CCDC40: variants seen among roughly 807,000 people sequenced by gnomAD.
The protein encoded by CCDC40 is coiled-coil domain-containing protein 40.
CCDC40 carries 104 observed loss-of-function variants against 124.5 expected under a neutral mutation model. The observed-to-expected ratio is 0.84, with a 90% confidence interval of 0.71 to 0.98. The LOEUF is 0.98. Among genes scored for constraint, CCDC40 ranks in the 50% least tolerant of loss-of-function variants. CCDC40 has a pLI of 0.00. For synonymous variants in CCDC40, 580 were observed against 602.9 expected, an observed-to-expected ratio of 0.96 and a Z score of 0.56; for missense variants, 1,463 against 1,503.9, an observed-to-expected ratio of 0.97 and a Z score of 0.45.
chr17:80,037,255 G>A (rs1442838444), intron 1 of CCDC40, among the ~76,000 whole-genome samples: 1 of 152,222 alleles, frequency 6.6e-6, no homozygotes, highest in East Asian at 1.9e-4. Context: ...TGGGGCCTGG[G>A]TGGAAGCACT....
rs745305836 is a variant in CCDC40 at position 80,084,955 on chromosome 17, C to T, written c.2202C>T (p.Asn734=). Residue 734 remains asparagine, a synonymous_variant, in exon 13 of 20, where the codon AAC becomes AAT. Transcript: ENST00000397545. The part of the protein sequence containing the change: ...ERKQGLINFL[N]KQLERMVSEL... ...AGCAAGGGCTCATCAACTTCCTCAA[C>T]AAGCAGCTGGAGCGGATGGTCTCCG... The T allele has an allele frequency of 6.2e-7, 1 of 1,613,988 alleles. No individual in the cohort carries two copies. The highest frequency in any genetic ancestry group is 1.3e-5 in the African/African-American group (1 of 75,068).
intron 10 of CCDC40, chr17:80,067,898 G>C: frequency 2.2e-6 from 3 of 1,350,012 alleles, no homozygotes; most frequent in Non-Finnish European, 2.9e-6. Flanking sequence ...ACGTGCATGC[G>C]CAGAATGTTG....
intron 17 of CCDC40, chr17:80,090,392 G>A (rs767219473): frequency 5.0e-6 from 4 of 802,420 alleles, no homozygotes; most frequent in Non-Finnish European, 6.9e-6. Context: ...CACACAGCAC[G>A]TGCATGAACA....
Position 80,065,588 on chromosome 17 carries a change from C to A in CCDC40, c.1544C>A (p.Ala515Glu). 6.2e-7 allele frequency: 1 copy of A among 1,612,694 alleles called. No individual in the cohort carries two copies. The highest frequency in any genetic ancestry group is 1.1e-5 in the South Asian group (1 of 91,046). The stretch of plus-strand genomic sequence containing the variant: ...AAGCACCGCGACGAGGCGCACAGGG[C>A]GGTGCTGGAGGCGCTCAGGTACTGC... ...GMKHRDEAHRAVLEALRGCQH... is the reference protein window; with the variant it reads ...GMKHRDEAHREVLEALRGCQH... Residue 515 changes from alanine (A) to glutamate (E), a missense_variant, in exon 10 of 20, where the codon GCG (alanine) becomes GAG (glutamate). Coordinates refer to ENST00000397545, the MANE Select transcript of CCDC40 (RefSeq NM_017950.4).
In CCDC40 at chr17:80,086,601, G is replaced by C. The variant is rs1247483197; in HGVS notation, c.2449+385G>C. The C allele has an allele frequency of 3.5e-6, 1 of 281,896 alleles. No homozygotes were observed. Among genetic ancestry groups the C allele is most frequent in the African/African-American group, 2.2e-5 (1 of 44,770 alleles). The allele number at this position is 281,896 out of a possible 1,614,324, so 17.5% of individuals were successfully genotyped here. On this transcript the variant is annotated intron_variant, in intron 14 of 19. Transcript: ENST00000397545. This position sits in a 1 kb window ranked among gnomAD's most constrained non-coding sequence, Gnocchi z 5.5. ...GCTGTCCCCACATCACCTCCAGTTG[G>C]GCTTAGAAAACCATTCCACCGGGGC...
In CCDC40 at chr17:80,086,277, C is replaced by T; in HGVS notation, c.2449+61C>T. The T allele has an allele frequency of 1.4e-6, 2 of 1,420,496 alleles. No individual in the cohort carries two copies. Among genetic ancestry groups the T allele is most frequent in the Non-Finnish European group, 9.7e-7 (1 of 1,029,280 alleles). The allele number at this position is 1,420,496 out of a possible 1,614,324, so 88.0% of individuals were successfully genotyped here. A position where few individuals can be genotyped will look rare whatever the true frequency, so the allele number is the denominator to read the frequency against. ...GAGACGAGCTCTGGGACGTGGGCACCTCCCAGGGGAGGGGCACTCAGTGGG... is the reference window on the plus strand; with the variant it reads ...GAGACGAGCTCTGGGACGTGGGCACTTCCCAGGGGAGGGGCACTCAGTGGG... On this transcript the variant is annotated intron_variant, in intron 14 of 19. Transcript: ENST00000397545. The surrounding 1 kb of genome is among the most constrained non-coding windows in gnomAD (Gnocchi z 5.5).
chr17:80,047,911 C>T lies in CCDC40; in HGVS notation c.676+509C>T, dbSNP rs145785300. Among the ~76,000 whole-genome samples the T allele has an allele frequency of 4.1e-3, 623 of 152,234 alleles. 4 individuals are homozygous for T. The highest frequency in any genetic ancestry group is 0.013 in the African/African-American group (539 of 41,548). On this transcript the variant is annotated intron_variant, in intron 4 of 19. Transcript: ENST00000397545. Reference sequence around the variant, plus strand: ...GGCAGTTGCAAATTCCCTGTGGTACCGACCTGCAGCCGGTCCAAACCTTTC... The same window carrying T: ...GGCAGTTGCAAATTCCCTGTGGTACTGACCTGCAGCCGGTCCAAACCTTTC...
At chr17:80,059,264 G>A (rs1362433526) in intron 9 of CCDC40, among the ~76,000 whole-genome samples, 2 of 152,160 alleles carry the variant, frequency 1.3e-5, no homozygotes, top group Admixed American at 1.3e-4. Flanking sequence ...CTTGCTGCGG[G>A]GATGCTCAGC....
At chr17:80,057,568 C>T (rs903877642) in intron 7 of CCDC40, among the ~76,000 whole-genome samples, 24 of 152,214 alleles carry the variant, frequency 1.6e-4, no homozygotes, top group African/African-American at 5.3e-4. Flanking sequence ...AATAAATTTG[C>T]ACTCCAGCTT....
At position 80,066,374 on chromosome 17, in the gene CCDC40, G is replaced by T. The variant is rs1010201136; in HGVS notation, c.1562+768G>T. The T allele has an allele frequency of 1.8e-6, 1 of 563,790 alleles. No individual in the cohort carries two copies. Among genetic ancestry groups the T allele is most frequent in the Non-Finnish European group, 3.2e-6 (1 of 316,686 alleles). 34.9% of individuals were successfully genotyped at this position (563,790 alleles called of 1,614,324 possible). On this transcript the variant is annotated intron_variant, in intron 10 of 19. Coordinates refer to ENST00000397545, the MANE Select transcript of CCDC40 (RefSeq NM_017950.4). The surrounding 1 kb of genome is among the most constrained non-coding windows in gnomAD (Gnocchi z 4.4). ...AACCAGGAGATGCTTTTCCTTTTGG[G>T]TGCTGTGATTAAAGAAACAAAATGA...
intron 3 of CCDC40, among the ~76,000 whole-genome samples, chr17:80,042,662 G>A (rs1425389176): frequency 1.3e-5 from 2 of 152,028 alleles, no homozygotes; most frequent in Non-Finnish European, 2.9e-5. Context: ...TCTTTTTCTT[G>A]CCTGATTGCA....
chr17:80,090,272 T>G lies in CCDC40; in HGVS notation c.2832+388T>G. 12 of 1,287,320 alleles carry G rather than the reference T, an allele frequency of 9.3e-6. 2 individuals carry two copies. The highest frequency in any genetic ancestry group is 1.0e-5 in the Non-Finnish European group (10 of 970,278). The allele number at this position is 1,287,320 out of a possible 1,614,324, so 79.7% of individuals were successfully genotyped here. On this transcript the variant is annotated intron_variant, in intron 17 of 19. Transcript: ENST00000397545. ...ACAACACGGGACGCGCGCGGGCACGTGCACGAACAACACGGGACGCGCGCA... is the reference window on the plus strand; with the variant it reads ...ACAACACGGGACGCGCGCGGGCACGGGCACGAACAACACGGGACGCGCGCA...
At chr17:80,084,594 G>A in intron 12 of CCDC40, 149 bp from the exon 13 acceptor site, 1 of 905,308 alleles carries the variant, frequency 1.1e-6, no homozygotes, top group African/African-American at 1.6e-5. Flanking sequence ...CCTGGAGACA[G>A]TGGGAAATCC....
At chr17:80,085,057 G>A (rs1386899132) in intron 13 of CCDC40, 69 bp downstream of exon 13, 12 of 1,577,220 alleles carry the variant, frequency 7.6e-6, no homozygotes, top group Non-Finnish European at 1.0e-5. Context: ...AGCCCCCTCA[G>A]ATCCCCCACG....
At chr17:80,056,269 G>A (rs779271713) in intron 7 of CCDC40, among the ~76,000 whole-genome samples, 12 of 150,982 alleles carry the variant, frequency 7.9e-5, no homozygotes, top group South Asian at 4.2e-4. Flanking sequence ...CCCACTGCTC[G>A]GTTCCTCGCT....
intron 10 of CCDC40, among the ~76,000 whole-genome samples, chr17:80,069,297 C>G (rs75985490): frequency 6.6e-6 from 1 of 152,184 alleles, no homozygotes; most frequent in African/African-American, 2.4e-5. Context: ...CCCCGTGTCT[C>G]ATACACAAGC....
Position 80,066,075 on chromosome 17 carries a change from C to T in CCDC40, c.1562+469C>T. 1.4e-6 allele frequency: 1 copy of T among 702,898 alleles called. No individual in the cohort carries two copies. The highest frequency in any genetic ancestry group is 2.6e-6 in the Non-Finnish European group (1 of 384,960). The allele number at this position is 702,898 out of a possible 1,614,324, so 43.5% of individuals were successfully genotyped here. ...CACTTCTGGGGATGGATGCGTGGCT[C>T]AGGGCAGGGCGTTGGAGACACAGGT... On this transcript the variant is annotated intron_variant, in intron 10 of 19. Coordinates refer to ENST00000397545, the MANE Select transcript of CCDC40 (RefSeq NM_017950.4). This position sits in a 1 kb window ranked among gnomAD's most constrained non-coding sequence, Gnocchi z 4.4.
At chr17:80,076,967 C>A (rs978784892) in intron 10 of CCDC40, among the ~76,000 whole-genome samples, 5 of 152,046 alleles carry the variant, frequency 3.3e-5, no homozygotes, top group East Asian at 3.9e-4. Context: ...AATTTCTGAC[C>A]TCAGGTAATC....
intron 18 of CCDC40, among the ~76,000 whole-genome samples, chr17:80,095,998 G>A (rs779227636): frequency 6.6e-6 from 1 of 152,218 alleles, no homozygotes; most frequent in Admixed American, 6.5e-5. Flanking sequence ...GGTGCTGTCC[G>A]GTGCTTACCA....
Sources: allele counts gnomAD v4.1 joint callset (sites outside exome capture counted in the v4.1 genomes callset), GRCh38; gene constraint gnomAD v4.1.1; non-coding constraint Gnocchi (gnomAD v3.1); transcripts MANE v1.5; gene names NCBI Gene and HGNC (gene_info 2026-07-23, HGNC 2026-07-21).